TBX15: variants seen among roughly 807,000 people sequenced by gnomAD.
TBX15 encodes T-box transcription factor TBX15.
In TBX15, 18 loss-of-function variants were observed where a neutral mutation model predicts 53.9. The ratio of observed to expected loss-of-function variants is 0.33; its 90% CI spans 0.23 to 0.49. The LOEUF is 0.49. TBX15 is among the 20% of genes least tolerant of loss of function. The probability of loss-of-function intolerance (pLI) is 0.98; values close to 1 mark genes in which losing one functional copy is unlikely to be tolerated. For missense variants in TBX15, 692 were observed against 749.5 expected, an observed-to-expected ratio of 0.92 and a Z score of 0.90; for synonymous variants, 295 against 278.0, an observed-to-expected ratio of 1.06 and a Z score of -0.61.
intron 5 of TBX15, 107 bp downstream of exon 5, chr1:118,923,329 G>A (rs1655486961): frequency 7.3e-7 from 1 of 1,377,362 alleles, no homozygotes; most frequent in Non-Finnish European, 1.0e-6. Flanking sequence ...GTGGACTAAG[G>A]GTTGTTGTAT....
chr1:118,908,384 A>G (rs1186713513), intron 6 of TBX15, among the ~76,000 whole-genome samples: 2 of 151,984 alleles, frequency 1.3e-5, no homozygotes, highest in African/African-American at 2.4e-5. Context: ...GACCAAAAAA[A>G]AAAAAAAAAA....
At chr1:118,888,619 G>A (rs908865371) in intron 7 of TBX15, among the ~76,000 whole-genome samples, 15 of 152,202 alleles carry the variant, frequency 9.9e-5, no homozygotes, top group African/African-American at 3.6e-4. Flanking sequence ...GGAGAAACCT[G>A]ACTCCAGCTG....
upstream of TBX15, chr1:118,989,468 C>T (rs1401133889): frequency 2.0e-5 from 3 of 152,138 alleles, no homozygotes; most frequent in Non-Finnish European, 4.4e-5. Context: ...TCTCGGATTT[C>T]GCGGACAGCG....
chr1:118,889,101 A>C (rs1654047670), intron 7 of TBX15, among the ~76,000 whole-genome samples: 1 of 152,146 alleles, frequency 6.6e-6, no homozygotes, highest in Non-Finnish European at 1.5e-5. Flanking sequence ...CTAGTGTTTG[A>C]AGGAGGCAGG....
At chr1:118,985,212 G>C (rs952153353) in intron 1 of TBX15, among the ~76,000 whole-genome samples, 9 of 152,088 alleles carry the variant, frequency 5.9e-5, no homozygotes, top group Non-Finnish European at 1.3e-4. Flanking sequence ...GCGGCTTCTG[G>C]GCCCTAAGGA....
chr1:118,954,682 G>A (rs1446127354), intron 1 of TBX15, among the ~76,000 whole-genome samples: 2 of 152,178 alleles, frequency 1.3e-5, no homozygotes, highest in Non-Finnish European at 2.9e-5. Context: ...GGGAAAATCT[G>A]ACCCTTTAAA....
intron 7 of TBX15, among the ~76,000 whole-genome samples, chr1:118,897,669 C>T (rs574295446): frequency 2.0e-5 from 3 of 152,236 alleles, no homozygotes; most frequent in African/African-American, 7.2e-5. Context: ...GTAGAGAATT[C>T]ATGACCATCA....
At chr1:118,893,537 A>AGAAG (rs1654276844) in intron 7 of TBX15, among the ~76,000 whole-genome samples, 1 of 119,922 alleles carries the variant, frequency 8.3e-6, no homozygotes, top group Non-Finnish European at 1.7e-5. Flanking sequence ...AAGGAAAGAA[A>AGAAG]GATGGAAGGA....
rs200564235 is a variant in TBX15, at chr1:118,884,813, T to C, written c.1728A>G (p.Gln576=). The C allele has an allele frequency of 3.8e-4, 609 of 1,613,960 alleles. No homozygotes were observed. Among genetic ancestry groups the C allele is most frequent in the Admixed American group, 4.5e-4 (27 of 60,008 alleles). ...MHMISPSPNN[Q]QATNTCDGRQ... ...GGCCATCACAAGTGTTGGTTGCCTG[T>C]TGGTTATTGGGTGAAGGGCTAATCA... Residue 576 remains glutamine, a synonymous_variant, in exon 8 of 8, where the codon CAA becomes CAG. Transcript: ENST00000369429.
intron 1 of TBX15, among the ~76,000 whole-genome samples, chr1:118,956,779 C>T (rs1004846091): frequency 3.2e-5 from 4 of 126,854 alleles, no homozygotes; most frequent in African/African-American, 6.2e-5. Flanking sequence ...GGTGAAACCC[C>T]GTTTCTACTA....
At position 118,977,175 on chromosome 1, in the gene TBX15, T is replaced by C. The variant is rs1442969204; in HGVS notation, c.205+10416A>G. Among the ~76,000 whole-genome samples the C allele has an allele frequency of 3.3e-5, 5 of 152,238 alleles. No homozygotes were observed. In the East Asian group the frequency reaches 7.7e-4, roughly 23 times the overall value. ...CACATGAAGTCTGACCCCAAGAATC[T>C]GAGCTCTTAACCACTACACTGTATA... On this transcript the variant is annotated intron_variant, in intron 1 of 7. Transcript: ENST00000369429.
rs945402666 is a variant in TBX15, at chr1:118,926,608, C to T, written c.423G>A (p.Arg141=). 4 of 1,612,886 alleles carry T rather than the reference C, an allele frequency of 2.5e-6. No individual in the cohort carries two copies. In the African/African-American group the frequency reaches 4.0e-5, roughly 16 times the overall value. ...TTTTCACTCTCATGGCAGGAAACAT[C>T]CTCCTATGAAGATGAATAAAACAGA... ...TEMIITKAGR[R]MFPAMRVKIT... The change falls in exon 3 of 8, where the codon AGG becomes AGA. Residue 141 remains arginine, a synonymous_variant. Coordinates refer to ENST00000369429, the MANE Select transcript of TBX15 (RefSeq NM_001330677.2).
chr1:118,931,726 AGGCACAG>A lies in TBX15; in HGVS notation c.305_311del (p.Pro102LeufsTer30), dbSNP rs1655787835. The A allele has an allele frequency of 6.2e-7, 1 of 1,613,948 alleles. No individual in the cohort carries two copies. Among genetic ancestry groups the A allele is most frequent in the Non-Finnish European group, 8.5e-7 (1 of 1,179,970 alleles). ...TCTCCTCCATGGAAGACATGGCAGC[AGGCACAG>A]GGCCTGCAGCACCAGAGGCCAGGTC... On this transcript the variant is annotated frameshift_variant, in exon 2 of 8. Transcript: ENST00000369429. LOFTEE classifies it high-confidence loss of function.
Position 118,899,165 on chromosome 1 carries a change from T to A in TBX15, c.927-40A>T. Reference sequence around the variant, plus strand: ...GCCAGCAAAGGAAGTCATAAATAATTTCAAGAAATGCATTGACTTTTCAGA... The same window carrying A: ...GCCAGCAAAGGAAGTCATAAATAATATCAAGAAATGCATTGACTTTTCAGA... On this transcript the variant is annotated intron_variant, in intron 6 of 7. Transcript: ENST00000369429. The A allele has an allele frequency of 1.9e-6, 3 of 1,575,528 alleles. No individual in the cohort carries two copies. The East Asian group carries it at 6.7e-5, about 35-fold the overall frequency.
At chr1:118,975,655 G>C (rs1314311063) in intron 1 of TBX15, among the ~76,000 whole-genome samples, 2 of 152,116 alleles carry the variant, frequency 1.3e-5, no homozygotes, top group African/African-American at 4.8e-5. Context: ...TGGTAAAATG[G>C]GGAAAGAATT....
chr1:118,971,233 T>C (rs931870084), intron 1 of TBX15, among the ~76,000 whole-genome samples: 3 of 152,180 alleles, frequency 2.0e-5, no homozygotes, highest in Non-Finnish European at 2.9e-5. Context: ...TCTACAAAAA[T>C]GTTAAATGTC....
At chr1:118,965,239 T>A (rs1657001450) in intron 1 of TBX15, among the ~76,000 whole-genome samples, 1 of 152,156 alleles carries the variant, frequency 6.6e-6, no homozygotes, top group Non-Finnish European at 1.5e-5. Context: ...GCCTGAGATA[T>A]CAAACAAAAC....
At chr1:118,894,597 G>A (rs569248397) in intron 7 of TBX15, among the ~76,000 whole-genome samples, 1 of 152,232 alleles carries the variant, frequency 6.6e-6, no homozygotes, top group Admixed American at 6.5e-5. Context: ...CGTCAGTGCA[G>A]AGTGGCATGG....
At chr1:118,893,361 GAAAGAAA>G (rs762201814) in intron 7 of TBX15, among the ~76,000 whole-genome samples, 3,331 of 54,192 alleles carry the variant, frequency 0.061, 133 homozygotes, top group Non-Finnish European at 0.086. Flanking sequence ...AGGAAGGAAA[GAAAGAAA>G]GAAAGAAAGA....
Sources: gnomAD v4.1 joint callset for allele counts (sites outside exome capture counted in the v4.1 genomes callset) on GRCh38, gnomAD v4.1.1 for gene constraint, MANE v1.5 for transcripts, NCBI Gene and HGNC (gene_info 2026-07-23, HGNC 2026-07-21) for gene names.